Variants in MAF observed in about 807,000 individuals in gnomAD.
The protein encoded by MAF is MAF bZIP transcription factor.
A neutral mutation model predicts 22.0 loss-of-function variants in MAF; 10 were observed. The ratio of observed to expected loss-of-function variants is 0.45; its 90% CI spans 0.28 to 0.77. MAF has a LOEUF of 0.77. MAF is among the 30% of genes least tolerant of loss of function. The pLI is 0.12. For synonymous variants in MAF, 337 were observed against 255.8 expected, an observed-to-expected ratio of 1.32 and a Z score of -3.03; for missense variants, 544 against 548.4, an observed-to-expected ratio of 0.99 and a Z score of 0.08.
the MAF span, among the ~76,000 whole-genome samples, chr16:79,471,518 C>A: frequency 1.3e-5 from 2 of 152,062 alleles, no homozygotes; most frequent in African/African-American, 4.8e-5. Flanking sequence ...TAGAAAAAAA[C>A]CCACAAAAAT....
the MAF span, among the ~76,000 whole-genome samples, chr16:79,440,894 A>G: frequency 6.6e-6 from 1 of 152,214 alleles, no homozygotes; most frequent in Non-Finnish European, 1.5e-5. Flanking sequence ...CCCAAAGGAA[A>G]AAGCTGTGCA....
the MAF span, among the ~76,000 whole-genome samples, chr16:79,408,006 G>C: frequency 4.6e-4 from 59 of 128,074 alleles, no homozygotes; most frequent in African/African-American, 1.7e-3. Context: ...CCTCATGACA[G>C]TTTTACACAT....
chr16:79,221,215 T>G, the MAF span, among the ~76,000 whole-genome samples: 1 of 152,228 alleles, frequency 6.6e-6, no homozygotes, highest in African/African-American at 2.4e-5. Flanking sequence ...CGGGGAATTT[T>G]ACCTGGTGTG....
chr16:79,303,858 G>A, the MAF span, among the ~76,000 whole-genome samples: 2 of 152,160 alleles, frequency 1.3e-5, no homozygotes, highest in Non-Finnish European at 2.9e-5. Flanking sequence ...AAAGACTCCT[G>A]TAATTTATAC....
chr16:79,437,614 A>C, the MAF span, among the ~76,000 whole-genome samples: 1 of 151,922 alleles, frequency 6.6e-6, no homozygotes, highest in Admixed American at 6.6e-5. Context: ...TTTACAGCTG[A>C]GGAAAGGACA....
chr16:79,368,299 A>T, the MAF span, among the ~76,000 whole-genome samples: 1 of 152,140 alleles, frequency 6.6e-6, no homozygotes, highest in African/African-American at 2.4e-5. Context: ...TATCTGCTTG[A>T]AATCATCCAT....
the MAF span, among the ~76,000 whole-genome samples, chr16:79,399,854 G>T: frequency 6.6e-6 from 1 of 152,176 alleles, no homozygotes; most frequent in Non-Finnish European, 1.5e-5. Context: ...ATTATTCATA[G>T]TCTCAACTTT....
At chr16:79,372,430 G>C in the MAF span, among the ~76,000 whole-genome samples, 1 of 152,160 alleles carries the variant, frequency 6.6e-6, no homozygotes, top group Non-Finnish European at 1.5e-5. Flanking sequence ...TCTGCTCAGA[G>C]ACCAGCTCGA....
At chr16:79,492,468 C>A in the MAF span, among the ~76,000 whole-genome samples, 2 of 129,270 alleles carry the variant, frequency 1.5e-5, no homozygotes, top group African/African-American at 5.1e-5. Flanking sequence ...CCCATTTGTT[C>A]TATATATAGC....
At chr16:79,472,807 G>C in the MAF span, among the ~76,000 whole-genome samples, 1 of 151,924 alleles carries the variant, frequency 6.6e-6, no homozygotes, top group Non-Finnish European at 1.5e-5. Flanking sequence ...TGTTAGAAAA[G>C]AAGGAAAGAA....
At chr16:79,477,269 G>A in the MAF span, among the ~76,000 whole-genome samples, 1 of 152,200 alleles carries the variant, frequency 6.6e-6, no homozygotes, top group Admixed American at 6.5e-5. Flanking sequence ...GCCAAAAGAT[G>A]CCACTTCAAG....
chr16:79,344,235 G>T, the MAF span, among the ~76,000 whole-genome samples: 2 of 152,174 alleles, frequency 1.3e-5, no homozygotes, highest in Non-Finnish European at 2.9e-5. Context: ...TACTTTGCAG[G>T]TGAGGAAACT....
chr16:79,211,348 T>C, the MAF span, among the ~76,000 whole-genome samples: 1 of 152,084 alleles, frequency 6.6e-6, no homozygotes, highest in Non-Finnish European at 1.5e-5. Flanking sequence ...TGTGTATTTA[T>C]TTTCCAAGCC....
chr16:79,448,231 A>G, the MAF span, among the ~76,000 whole-genome samples: 1 of 152,126 alleles, frequency 6.6e-6, no homozygotes. Context: ...AGCAAACTTC[A>G]TTGTCGTCCT....
At chr16:79,523,224 G>A in the MAF span, among the ~76,000 whole-genome samples, 1,883 of 152,268 alleles carry the variant, frequency 0.012, 43 homozygotes, top group African/African-American at 0.043. Flanking sequence ...TCATCTTCTA[G>A]CCATGATTGT....
chr16:79,508,001 A>G, the MAF span, among the ~76,000 whole-genome samples: 1 of 152,152 alleles, frequency 6.6e-6, no homozygotes, highest in South Asian at 2.1e-4. Context: ...GCAGTGTGAG[A>G]GGATGGTGGA....
the MAF span, among the ~76,000 whole-genome samples, chr16:79,577,376 G>A: frequency 1.3e-5 from 2 of 152,202 alleles, no homozygotes; most frequent in Non-Finnish European, 2.9e-5. Flanking sequence ...TGTCTATCTA[G>A]AAATATCTGC....
the MAF span, among the ~76,000 whole-genome samples, chr16:79,276,056 T>C: frequency 2.0e-5 from 3 of 151,848 alleles, no homozygotes; most frequent in East Asian, 3.9e-4. Flanking sequence ...TAGGAGAATC[T>C]CTTGAACCTG....
the MAF span, among the ~76,000 whole-genome samples, chr16:79,339,093 A>G: frequency 1.3e-5 from 2 of 151,424 alleles, no homozygotes; most frequent in Non-Finnish European, 2.9e-5. Flanking sequence ...ATTTTTTGAG[A>G]CGGAGTCTCA....
Sources: allele counts gnomAD v4.1 joint callset (sites outside exome capture counted in the v4.1 genomes callset), GRCh38; gene constraint gnomAD v4.1.1; transcripts MANE v1.5; gene names NCBI Gene and HGNC (gene_info 2026-07-23, HGNC 2026-07-21).